Variants in DSCAM observed in about 807,000 individuals in gnomAD.
DSCAM encodes the protein DS cell adhesion molecule, also known as cell adhesion molecule DSCAM.
A neutral mutation model predicts 217.7 loss-of-function variants in DSCAM; 47 were observed. That is an observed-to-expected ratio of 0.22 (90% CI 0.17 to 0.28). DSCAM has a LOEUF of 0.28. Among genes scored for constraint, DSCAM ranks in the 10% least tolerant of loss-of-function variants. The pLI is 1.00. For missense variants in DSCAM, 2,080 were observed against 2,618.3 expected (o/e 0.79, Z 4.49); for synonymous variants, 1,056 against 1,015.3 (o/e 1.04, Z -0.76).
intron 3 of DSCAM, among the ~76,000 whole-genome samples, chr21:40,501,688 T>G (rs929243852): frequency 6.6e-6 from 1 of 152,064 alleles, no homozygotes; most frequent in African/African-American, 2.4e-5. Flanking sequence ...GCCTCCCGGG[T>G]TCAAGCGATT....
intron 11 of DSCAM, among the ~76,000 whole-genome samples, chr21:40,212,189 C>A (rs1198995624): frequency 6.6e-6 from 1 of 151,934 alleles, no homozygotes; most frequent in East Asian, 2.0e-4. Context: ...AGGCTGATCT[C>A]GAATTCCTGA....
chr21:40,628,188 A>C (rs1337929803), intron 3 of DSCAM, among the ~76,000 whole-genome samples: 3 of 152,234 alleles, frequency 2.0e-5, no homozygotes, highest in Non-Finnish European at 4.4e-5. Context: ...CCATACTTCG[A>C]TAGCTTAACT....
intron 3 of DSCAM, among the ~76,000 whole-genome samples, chr21:40,460,428 A>G (rs1206258049): frequency 6.6e-6 from 1 of 152,246 alleles, no homozygotes; most frequent in African/African-American, 2.4e-5. Flanking sequence ...GTAGCCTAAG[A>G]TAGCAAAGAT....
At chr21:40,116,328 G>A (rs1279130178) in intron 20 of DSCAM, among the ~76,000 whole-genome samples, 1 of 152,024 alleles carries the variant, frequency 6.6e-6, no homozygotes, top group Non-Finnish European at 1.5e-5. Flanking sequence ...AAAAAATAAC[G>A]AACTGCATTC....
chr21:40,808,152 C>G (rs1310340225), intron 1 of DSCAM, among the ~76,000 whole-genome samples: 1 of 152,142 alleles, frequency 6.6e-6, no homozygotes, highest in Non-Finnish European at 1.5e-5. Flanking sequence ...GTCTGAATGA[C>G]CATCCAGCTT....
At position 40,020,209 on chromosome 21, in the gene DSCAM, T is replaced by TC. The variant is rs545385545; in HGVS notation, c.5687-6824dup. On this transcript the variant is annotated intron_variant, in intron 32 of 32. Coordinates refer to ENST00000400454, the MANE Select transcript of DSCAM (RefSeq NM_001389.5). ...GCCCCATTCACTTGGCTCTCATTTT[T>TC]CTCTTGCCTGCCACCATATAAGATG... Among the ~76,000 whole-genome samples, 41 of 152,298 alleles carry TC rather than the reference T, an allele frequency of 2.7e-4. 1 individual carries two copies. In the South Asian group the frequency reaches 8.3e-3, roughly 31 times the overall value.
chr21:40,410,332 T>C (rs981954556), intron 3 of DSCAM, among the ~76,000 whole-genome samples: 3 of 151,368 alleles, frequency 2.0e-5, no homozygotes, highest in Non-Finnish European at 4.4e-5. Flanking sequence ...AAGAACCAGA[T>C]AAAAATGAAC....
At chr21:40,223,746 C>T (rs1024659522) in intron 11 of DSCAM, among the ~76,000 whole-genome samples, 2 of 152,212 alleles carry the variant, frequency 1.3e-5, no homozygotes, top group African/African-American at 4.8e-5. Context: ...AAGTTGCTCT[C>T]ATTCACTTAT....
At chr21:40,727,522 G>A (rs911051956) in intron 1 of DSCAM, among the ~76,000 whole-genome samples, 3 of 152,100 alleles carry the variant, frequency 2.0e-5, no homozygotes, top group African/African-American at 7.2e-5. Flanking sequence ...GCTTGTAGAG[G>A]TCCCTGTTTT....
At chr21:40,355,746 A>C (rs1280628325) in intron 4 of DSCAM, among the ~76,000 whole-genome samples, 1 of 152,192 alleles carries the variant, frequency 6.6e-6, no homozygotes, top group Non-Finnish European at 1.5e-5. Flanking sequence ...ACCTGCAATA[A>C]ATCTGATGGC....
In DSCAM at chr21:40,312,142, G is replaced by A. The variant is rs2074145802; in HGVS notation, c.2001C>T (p.Tyr667=). 1 of 1,614,044 alleles carries A rather than the reference G, an allele frequency of 6.2e-7. No homozygotes were observed. The highest frequency in any genetic ancestry group is 8.5e-7 in the Non-Finnish European group (1 of 1,179,986). ...CGGCCTCATTCCGGGCTATGCAGGT[G>A]TAATTCCCATTGTGCATGAGCGAGA... ...SNLSLMHNGN[Y]TCIARNEAAA... is the part of the protein sequence containing the mutation. The change falls in exon 9 of 33, where the codon TAC becomes TAT. Residue 667 remains tyrosine (Y), a synonymous_variant. Transcript: ENST00000400454.
chr21:40,601,809 A>G (rs1181406160), intron 3 of DSCAM, among the ~76,000 whole-genome samples: 1 of 152,170 alleles, frequency 6.6e-6, no homozygotes, highest in African/African-American at 2.4e-5. Flanking sequence ...GCGATAGGTT[A>G]CATTTCCTCA....
Position 40,312,362 on chromosome 21 carries a change from G to A in DSCAM, c.1784-3C>T. On this transcript the variant is annotated splice_region_variant and splice_polypyrimidine_tract_variant and intron_variant, in intron 8 of 32. Coordinates refer to ENST00000400454, the MANE Select transcript of DSCAM (RefSeq NM_001389.5). ...AAAGGGTTGTATGAAAGGCGGAACT[G>A]CAAGAAAAAAGAAAGATAATAACGA... The A allele has an allele frequency of 2.5e-6, 4 of 1,611,654 alleles. No homozygotes were observed. Among genetic ancestry groups the A allele is most frequent in the Non-Finnish European group, 3.4e-6 (4 of 1,178,576 alleles).
intron 21 of DSCAM, among the ~76,000 whole-genome samples, chr21:40,088,420 C>T (rs1354449163): frequency 6.6e-6 from 1 of 152,208 alleles, no homozygotes; most frequent in African/African-American, 2.4e-5. Context: ...CATTATGCAG[C>T]CATCCTAGTA....
chr21:40,072,549 C>G (rs2410211), intron 27 of DSCAM, among the ~76,000 whole-genome samples: 2 of 151,160 alleles, frequency 1.3e-5, no homozygotes, highest in Non-Finnish European at 3.0e-5. Flanking sequence ...GGGGTTTCAC[C>G]ATGTTAGCCA....
chr21:40,798,388 A>C (rs541255716), intron 1 of DSCAM, among the ~76,000 whole-genome samples: 1 of 152,268 alleles, frequency 6.6e-6, no homozygotes. Flanking sequence ...CTTATATATC[A>C]ATAAAGCTCA....
intron 3 of DSCAM, among the ~76,000 whole-genome samples, chr21:40,557,658 C>T (rs549308578): frequency 6.6e-6 from 1 of 152,268 alleles, no homozygotes; most frequent in African/African-American, 2.4e-5. Flanking sequence ...ACCATGTAAT[C>T]TCCCTGTACA....
chr21:40,040,508 CAT>C (rs1491455229), intron 32 of DSCAM, among the ~76,000 whole-genome samples: 1 of 152,132 alleles, frequency 6.6e-6, no homozygotes, highest in Admixed American at 6.5e-5. Flanking sequence ...CAGGTGGAAA[CAT>C]AAAGTACTTA....
intron 1 of DSCAM, among the ~76,000 whole-genome samples, chr21:40,845,237 T>C (rs1569065379): frequency 6.6e-6 from 1 of 152,244 alleles, no homozygotes; most frequent in Non-Finnish European, 1.5e-5. Context: ...TGCTTTAGGT[T>C]ATACTGGAGA....
Sources: allele counts gnomAD v4.1 joint callset (sites outside exome capture counted in the v4.1 genomes callset), GRCh38; gene constraint gnomAD v4.1.1; transcripts MANE v1.5; gene names NCBI Gene and HGNC (gene_info 2026-07-23, HGNC 2026-07-21).